Variants in CCDC66 observed in about 807,000 individuals in gnomAD.
CCDC66 encodes the protein coiled-coil domain-containing protein 66.
Under a neutral mutation model 128.3 loss-of-function variants are expected in CCDC66, and 133 were observed. That is an observed-to-expected ratio of 1.04 (90% CI 0.90 to 1.20). CCDC66 has a LOEUF of 1.20. Ranked by LOEUF, CCDC66 falls within the 50% of genes most tolerant of loss-of-function variation. The pLI, the probability that CCDC66 is intolerant of heterozygous loss-of-function variation, is 0.00. For synonymous variants in CCDC66, 387 were observed against 357.0 expected (o/e 1.08, Z -0.95); for missense variants, 1,126 against 1,075.5 (o/e 1.05, Z -0.66).
rs778602745 is a variant in CCDC66 at position 56,563,949 on chromosome 3, A to G, written c.368A>G (p.Asn123Ser). ...PATPNMQKTR[N>S]TVNTSLVGKQ... ...ACCCCTAATATGCAGAAGACTAGAA[A>G]CACCGTAAATACATCTCTAGTAGGT... The change falls in exon 4 of 18, where the codon AAC becomes AGC. Residue 123 changes from asparagine (N) to serine (S), a missense_variant. Transcript: ENST00000394672. The G allele has an allele frequency of 3.1e-6, 5 of 1,613,974 alleles. No homozygotes were observed. Among genetic ancestry groups the G allele is most frequent in the Non-Finnish European group, 4.2e-6 (5 of 1,179,920 alleles).
chr3:56,598,907 T>A (rs1026728087), intron 10 of CCDC66, among the ~76,000 whole-genome samples: 2 of 152,062 alleles, frequency 1.3e-5, no homozygotes, highest in Non-Finnish European at 2.9e-5. Context: ...CTTCTCTGGC[T>A]TTGGTATCAG....
intron 7 of CCDC66, among the ~76,000 whole-genome samples, chr3:56,583,892 C>T (rs2068894441): frequency 7.0e-6 from 1 of 142,790 alleles, no homozygotes. Flanking sequence ...AGGCGCCCCC[C>T]ACCTCCCGGA....
rs375770625 is a variant in CCDC66, at chr3:56,583,774, G to A, written c.937-9196G>A. On this transcript the variant is annotated intron_variant, in intron 7 of 17. Coordinates refer to ENST00000394672, the MANE Select transcript of CCDC66 (RefSeq NM_001141947.3). ...TCCCCCTTTTCTATTCCACAAAACCGCCATCGTCATCATGGCCCGTTCTCA... is the reference window on the plus strand; with the variant it reads ...TCCCCCTTTTCTATTCCACAAAACCACCATCGTCATCATGGCCCGTTCTCA... Among the ~76,000 whole-genome samples the A allele has an allele frequency of 1.6e-4, 25 of 151,692 alleles. 3 individuals are homozygous for A. The East Asian group carries it at 3.6e-3, about 22-fold the overall frequency.
chr3:56,590,284 G>A (rs1024534175), intron 7 of CCDC66, among the ~76,000 whole-genome samples: 1 of 152,182 alleles, frequency 6.6e-6, no homozygotes, highest in African/African-American at 2.4e-5. Context: ...ATCTGTAGTG[G>A]ACCATTTGAA....
intron 10 of CCDC66, among the ~76,000 whole-genome samples, chr3:56,600,994 T>G (rs2073062104): frequency 6.6e-6 from 1 of 152,100 alleles, no homozygotes. Flanking sequence ...TAGATCCCAT[T>G]TGTCAATTTC....
intron 12 of CCDC66, 50 bp from the exon 13 acceptor site, chr3:56,615,872 T>G: frequency 6.7e-7 from 1 of 1,485,114 alleles, no homozygotes; most frequent in Non-Finnish European, 9.1e-7. Flanking sequence ...TACATAATTT[T>G]TATTAATATT....
At position 56,557,196 on chromosome 3, in the gene CCDC66, T is replaced by G. The variant is rs748446676; in HGVS notation, c.-47T>G. The stretch of plus-strand genomic sequence containing the variant: ...TGCTGAGCGGCGGCGGCAACCGACG[T>G]ACACAAGGGGCTTGAGCGTTCTGTG... On this transcript the variant is annotated 5_prime_UTR_variant, in exon 1 of 18. Coordinates refer to ENST00000394672, the MANE Select transcript of CCDC66 (RefSeq NM_001141947.3). The G allele has an allele frequency of 1.3e-6, 2 of 1,551,162 alleles. No individual in the cohort carries two copies. The highest frequency in any genetic ancestry group is 2.4e-5 in the East Asian group (1 of 40,880).
intron 7 of CCDC66, among the ~76,000 whole-genome samples, chr3:56,575,561 T>G (rs1001282742): frequency 6.6e-6 from 1 of 151,842 alleles, no homozygotes; most frequent in African/African-American, 2.4e-5. Flanking sequence ...TTGATAATAG[T>G]GTCCTTTGAT....
intron 10 of CCDC66, among the ~76,000 whole-genome samples, chr3:56,605,118 G>A (rs938959604): frequency 8.6e-5 from 13 of 151,936 alleles, no homozygotes; most frequent in Admixed American, 3.3e-4. Context: ...TTTCAGCTCC[G>A]TCAGGTCATT....
intron 10 of CCDC66, among the ~76,000 whole-genome samples, chr3:56,608,868 G>T (rs182821064): frequency 6.6e-6 from 1 of 152,252 alleles, no homozygotes; most frequent in Admixed American, 6.5e-5. Flanking sequence ...TTGGCCCAGT[G>T]CTCATTCAGG....
At chr3:56,586,354 C>A (rs1176027406) in intron 7 of CCDC66, among the ~76,000 whole-genome samples, 3 of 150,284 alleles carry the variant, frequency 2.0e-5, no homozygotes, top group African/African-American at 7.3e-5. Flanking sequence ...TGGTGAAACC[C>A]CATCTCTACT....
rs115350660 is a variant in CCDC66, at chr3:56,612,162, C to T, written c.1405-1427C>T. Among the ~76,000 whole-genome samples, 245 of 152,328 alleles carry T rather than the reference C, an allele frequency of 1.6e-3. 1 individual carries two copies. The highest frequency in any genetic ancestry group is 5.5e-3 in the African/African-American group (227 of 41,564). On this transcript the variant is annotated intron_variant, in intron 10 of 17. Transcript: ENST00000394672. ...CTTGATATCTGCATATCTGGTATAA[C>T]GATCACTTCTTCCGATTTTTTGAAT...
chr3:56,586,867 T>C (rs1003217951), intron 7 of CCDC66, among the ~76,000 whole-genome samples: 3 of 151,718 alleles, frequency 2.0e-5, no homozygotes, highest in Non-Finnish European at 4.4e-5. Flanking sequence ...GTGGGCAACA[T>C]AGTGAGACCC....
At chr3:56,571,721 GT>G (rs991294813) in intron 7 of CCDC66, among the ~76,000 whole-genome samples, 1 of 151,712 alleles carries the variant, frequency 6.6e-6, no homozygotes, top group African/African-American at 2.4e-5. Flanking sequence ...TTGTATGTGT[GT>G]TTTTTTTAAA....
At chr3:56,606,511 T>C (rs544656746) in intron 10 of CCDC66, among the ~76,000 whole-genome samples, 2 of 152,030 alleles carry the variant, frequency 1.3e-5, no homozygotes, top group African/African-American at 4.8e-5. Context: ...ACATCCCTCA[T>C]GGATTCCCTT....
intron 7 of CCDC66, among the ~76,000 whole-genome samples, chr3:56,571,729 T>A (rs577062222): frequency 2.3e-4 from 35 of 152,166 alleles, no homozygotes; most frequent in South Asian, 2.3e-3. Context: ...GTGTTTTTTT[T>A]AAAAAAAGAA....
chr3:56,602,993 C>T (rs2073454839), intron 10 of CCDC66, among the ~76,000 whole-genome samples: 3 of 151,626 alleles, frequency 2.0e-5, no homozygotes, highest in Non-Finnish European at 4.4e-5. Context: ...CACCATCACA[C>T]CCAGCTAATT....
chr3:56,566,059 T>A (rs1321087875), intron 4 of CCDC66, among the ~76,000 whole-genome samples: 3 of 152,208 alleles, frequency 2.0e-5, no homozygotes, highest in Admixed American at 6.5e-5. Context: ...TAAGAAATTG[T>A]ATGGCTATGG....
At chr3:56,610,499 A>G (rs2074642075) in intron 10 of CCDC66, among the ~76,000 whole-genome samples, 2 of 152,026 alleles carry the variant, frequency 1.3e-5, no homozygotes, top group Admixed American at 1.3e-4. Flanking sequence ...ATTTCCTTGC[A>G]TTGGGCTTCG....
Sources: gnomAD v4.1 joint callset for allele counts (sites outside exome capture counted in the v4.1 genomes callset) on GRCh38, gnomAD v4.1.1 for gene constraint, MANE v1.5 for transcripts, NCBI Gene and HGNC (gene_info 2026-07-23, HGNC 2026-07-21) for gene names.